The following DCAF6 variants were observed in gnomAD, a reference collection of about 807,000 sequenced individuals.
The protein encoded by DCAF6 is DDB1 and CUL4 associated factor 6, also known as DDB1- and CUL4-associated factor 6.
In DCAF6, 54 loss-of-function variants were observed where a neutral mutation model predicts 125.1. The ratio of observed to expected loss-of-function variants is 0.43; its 90% CI spans 0.35 to 0.54. The LOEUF is 0.54. DCAF6 is among the 20% of genes least tolerant of loss of function. DCAF6 has a pLI of 0.01. For synonymous variants in DCAF6, 371 were observed against 390.4 expected (o/e 0.95, Z 0.58); for missense variants, 934 against 1,161.7 (o/e 0.80, Z 2.85).
At chr1:167,974,754 G>T in intron 3 of DCAF6, 76 bp from the exon 4 acceptor site, 3 of 1,144,664 alleles carry the variant, frequency 2.6e-6, no homozygotes, top group Non-Finnish European at 3.6e-6. Context: ...ATGTATTACT[G>T]GCTATGATTA....
At chr1:168,034,637 A>G (rs1193753276) in intron 12 of DCAF6, among the ~76,000 whole-genome samples, 1 of 152,212 alleles carries the variant, frequency 6.6e-6, no homozygotes, top group Non-Finnish European at 1.5e-5. Flanking sequence ...AGGAATGTAT[A>G]TATCTTGGCA....
rs1248117698 is a variant in DCAF6 at position 167,981,625 on chromosome 1, T to G, written c.439-5870T>G. ...TAGCTCCTACTTATAAGTGAGAACA[T>G]GCTGTATTTGGTTTTCTGTTCCTGT... On this transcript the variant is annotated intron_variant, in intron 4 of 21. Coordinates refer to ENST00000367840, the MANE Select transcript of DCAF6 (RefSeq NM_001198956.2). Among the ~76,000 whole-genome samples the G allele has an allele frequency of 2.0e-5, 3 of 152,326 alleles. No homozygotes were observed. In the East Asian group the frequency reaches 5.8e-4, roughly 29 times the overall value.
At chr1:168,071,282 A>C (rs896023367) in intron 21 of DCAF6, among the ~76,000 whole-genome samples, 19 of 152,190 alleles carry the variant, frequency 1.2e-4, no homozygotes, top group Admixed American at 9.2e-4. Context: ...GTAAATGAAC[A>C]GGTATGGCAC....
chr1:168,030,407 A>C (rs1686922056), intron 12 of DCAF6, among the ~76,000 whole-genome samples: 1 of 152,228 alleles, frequency 6.6e-6, no homozygotes, highest in South Asian at 2.1e-4. Flanking sequence ...CTTTTTGGAC[A>C]TTTTTAGGTT....
chr1:167,896,569 G>A, the DCAF6 span: 4 of 1,562,482 alleles, frequency 2.6e-6, no homozygotes, highest in Non-Finnish European at 3.5e-6. Context: ...TAGAGGCAAA[G>A]GCATTTTTCC....
intron 7 of DCAF6, among the ~76,000 whole-genome samples, chr1:167,994,099 G>A (rs539169243): frequency 1.1e-4 from 16 of 151,682 alleles, no homozygotes; most frequent in East Asian, 3.9e-4. Flanking sequence ...AATTACTAGC[G>A]TCTATTCTTA....
chr1:167,979,265 A>C (rs1176481485), intron 4 of DCAF6, among the ~76,000 whole-genome samples: 1 of 152,180 alleles, frequency 6.6e-6, no homozygotes, highest in African/African-American at 2.4e-5. Flanking sequence ...TTTTAACATG[A>C]TAGACCCATT....
rs76246537 is a variant in DCAF6 at position 168,029,223 on chromosome 1, G to A, written c.1609+6176G>A. ...ATCATAAAAATAACTGACATTTATT[G>A]AGTTTTTTGTGACTAGCACTGTGTT... On this transcript the variant is annotated intron_variant, in intron 12 of 21. Coordinates refer to ENST00000367840, the MANE Select transcript of DCAF6 (RefSeq NM_001198956.2). Among the ~76,000 whole-genome samples, 703 of 152,226 alleles carry A rather than the reference G, an allele frequency of 4.6e-3. 8 individuals are homozygous for A. The East Asian group carries it at 0.058, about 13-fold the overall frequency.
At chr1:167,870,203 A>G in the DCAF6 span, 2 of 1,604,922 alleles carry the variant, frequency 1.2e-6, no homozygotes, top group Non-Finnish European at 8.5e-7. Flanking sequence ...AGGAGCATCA[A>G]AATAAATCAG....
At chr1:167,941,587 C>G (rs944295643) in intron 1 of DCAF6, among the ~76,000 whole-genome samples, 1 of 151,804 alleles carries the variant, frequency 6.6e-6, no homozygotes, top group Non-Finnish European at 1.5e-5. Context: ...CATATTGTTA[C>G]AACTGTTGGT....
chr1:167,960,141 T>C (rs1675349940), intron 2 of DCAF6, among the ~76,000 whole-genome samples: 1 of 152,078 alleles, frequency 6.6e-6, no homozygotes, highest in Non-Finnish European at 1.5e-5. Context: ...CTGCATTGTA[T>C]TGACTTTACT....
At chr1:168,055,626 A>G (rs1378199748) in intron 17 of DCAF6, among the ~76,000 whole-genome samples, 1 of 97,530 alleles carries the variant, frequency 1.0e-5, no homozygotes, top group Non-Finnish European at 1.9e-5. Flanking sequence ...TGTAATTTTT[A>G]TAACTAGTTT....
the DCAF6 span, among the ~76,000 whole-genome samples, chr1:167,892,037 A>AAC: frequency 6.6e-6 from 1 of 151,406 alleles, no homozygotes; most frequent in African/African-American, 2.4e-5. Flanking sequence ...GCAGTGGAGC[A>AAC]ATCTCGGCTC....
At chr1:168,022,172 T>C (rs1392920074) in intron 11 of DCAF6, among the ~76,000 whole-genome samples, 2 of 152,166 alleles carry the variant, frequency 1.3e-5, no homozygotes, top group African/African-American at 2.4e-5. Flanking sequence ...TTCTGATGAG[T>C]GCTCTTTCCA....
chr1:167,972,173 T>A (rs1677430981), intron 3 of DCAF6, among the ~76,000 whole-genome samples: 4 of 152,234 alleles, frequency 2.6e-5, no homozygotes, highest in Admixed American at 2.6e-4. Context: ...TCAAAAATTA[T>A]AACTTCCCAA....
chr1:167,964,711 A>G (rs1676132042), intron 2 of DCAF6, among the ~76,000 whole-genome samples: 4 of 152,102 alleles, frequency 2.6e-5, no homozygotes, highest in Admixed American at 2.6e-4. Flanking sequence ...TTCCTTGGAC[A>G]TTATGTTTTG....
chr1:168,005,639 G>A (rs1052064520), intron 10 of DCAF6, among the ~76,000 whole-genome samples: 1 of 152,154 alleles, frequency 6.6e-6, no homozygotes, highest in East Asian at 1.9e-4. Context: ...GCAGGCCTAA[G>A]CTGAAACCTA....
chr1:167,903,712 T>C, the DCAF6 span, among the ~76,000 whole-genome samples: 1 of 152,248 alleles, frequency 6.6e-6, no homozygotes, highest in African/African-American at 2.4e-5. Flanking sequence ...GGTTTGATTA[T>C]ATTTATTTCT....
chr1:168,072,190 G>C (rs866192986), intron 21 of DCAF6, among the ~76,000 whole-genome samples: 5 of 147,252 alleles, frequency 3.4e-5, no homozygotes, highest in African/African-American at 1.2e-4. Flanking sequence ...CCAGCTACTT[G>C]GGAGGCTGAG....
Sources: allele counts gnomAD v4.1 joint callset (sites outside exome capture counted in the v4.1 genomes callset), GRCh38; gene constraint gnomAD v4.1.1; transcripts MANE v1.5; gene names NCBI Gene and HGNC (gene_info 2026-07-23, HGNC 2026-07-21).